Variants in LGMN observed in about 807,000 individuals in gnomAD.
LGMN encodes the protein asparaginyl endopeptidase.
A neutral mutation model predicts 56.8 loss-of-function variants in LGMN; 36 were observed. The ratio of observed to expected loss-of-function variants is 0.63; its 90% confidence interval spans 0.49 to 0.84. The LOEUF is 0.84. LGMN is among the 40% of genes least tolerant of loss of function. LGMN has a pLI of 0.00. For synonymous variants in LGMN, 199 were observed against 210.1 expected (o/e 0.95, Z 0.46); for missense variants, 446 against 556.1 (o/e 0.80, Z 1.99).
intron 2 of LGMN, among the ~76,000 whole-genome samples, chr14:92,724,650 AG>A (rs567432545): frequency 1.3e-5 from 2 of 152,348 alleles, no homozygotes; most frequent in African/African-American, 4.8e-5. Context: ...TAAGAGGCGC[AG>A]AGCCCTCCGG....
At chr14:92,741,030 T>A (rs1891529491) in intron 1 of LGMN, 1 of 151,752 alleles carries the variant, frequency 6.6e-6, no homozygotes, top group Non-Finnish European at 1.5e-5. Context: ...CTACTAAAAA[T>A]ACAAAAATTA....
intron 1 of LGMN, chr14:92,741,361 A>G (rs987721383): frequency 1.3e-5 from 2 of 152,230 alleles, no homozygotes; most frequent in African/African-American, 4.8e-5. Context: ...TCAAGTTCAC[A>G]TCCAGGTCTG....
intron 1 of LGMN, 134 bp from the exon 2 acceptor site, chr14:92,732,949 G>A: frequency 1.6e-6 from 1 of 612,322 alleles, no homozygotes; most frequent in South Asian, 2.3e-5. Context: ...AGGAGTTTGA[G>A]ATCAGCTTGG....
chr14:92,735,281 A>G (rs1428149516), intron 1 of LGMN, among the ~76,000 whole-genome samples: 26 of 152,134 alleles, frequency 1.7e-4, no homozygotes. Context: ...ATCTCAGCTC[A>G]CTGCAACCTC....
At chr14:92,743,182 T>C (rs1318019087) in intron 1 of LGMN, among the ~76,000 whole-genome samples, 1 of 152,096 alleles carries the variant, frequency 6.6e-6, no homozygotes, top group Non-Finnish European at 1.5e-5. Flanking sequence ...TTAAATCCTT[T>C]GATTTTCTGG....
intron 2 of LGMN, among the ~76,000 whole-genome samples, chr14:92,719,348 C>CCACCAA (rs1566924794): frequency 2.1e-5 from 3 of 143,454 alleles, no homozygotes; most frequent in African/African-American, 8.0e-5. Context: ...ATCACCGCCA[C>CCACCAA]CACCACCAAC....
At chr14:92,713,039 C>A (rs774989348) in intron 7 of LGMN, among the ~76,000 whole-genome samples, 168 bp from the exon 8 acceptor site, 23 of 152,210 alleles carry the variant, frequency 1.5e-4, no homozygotes, top group Non-Finnish European at 2.8e-4. Context: ...ATGGAAGCTG[C>A]TGCCACACAA....
At chr14:92,747,907 A>C (rs1891889468) in intron 1 of LGMN, among the ~76,000 whole-genome samples, 1 of 152,190 alleles carries the variant, frequency 6.6e-6, no homozygotes, top group Non-Finnish European at 1.5e-5. Context: ...TCAAATAGGG[A>C]CGGGAAAGGA....
chr14:92,712,714 C>G (rs766477150), intron 8 of LGMN, 91 bp downstream of exon 8: 2 of 1,257,138 alleles, frequency 1.6e-6, no homozygotes, highest in South Asian at 2.5e-5. Context: ...CTCAGCAGCC[C>G]CTGCTTACGG....
intron 2 of LGMN, among the ~76,000 whole-genome samples, chr14:92,728,787 C>A (rs1227388086): frequency 6.6e-6 from 1 of 152,130 alleles, no homozygotes; most frequent in Non-Finnish European, 1.5e-5. Flanking sequence ...TCAGCTCCAC[C>A]CCTTACTGGC....
chr14:92,704,446 G>A (rs986211647), intron 13 of LGMN, 85 bp from the exon 14 acceptor site: 1 of 1,229,288 alleles, frequency 8.1e-7, no homozygotes, highest in African/African-American at 1.5e-5. Flanking sequence ...GCGGCAGGCA[G>A]GCAGTTATGA....
At chr14:92,713,221 C>A (rs905912939) in intron 7 of LGMN, among the ~76,000 whole-genome samples, 1 of 152,066 alleles carries the variant, frequency 6.6e-6, no homozygotes, top group Admixed American at 6.6e-5. Flanking sequence ...ATCACCCAAC[C>A]CATGCAGGTT....
rs1186872036 is a variant in LGMN, at chr14:92,732,813, C to A, written c.-27G>T. On this transcript the variant is annotated splice_region_variant and 5_prime_UTR_variant, in exon 2 of 14. Coordinates refer to ENST00000334869, the MANE Select transcript of LGMN (RefSeq NM_005606.7). ...CTGCACCTTGGAGTTCAATTGCAGA[C>A]ACCTGAGAAGGGAAACACAGAGTCA... 6.2e-7 allele frequency: 1 copy of A among 1,609,238 alleles called. No homozygotes were observed. The highest frequency in any genetic ancestry group is 8.5e-7 in the Non-Finnish European group (1 of 1,178,094).
chr14:92,746,709 T>C (rs1349412475), intron 1 of LGMN, among the ~76,000 whole-genome samples: 1 of 152,118 alleles, frequency 6.6e-6, no homozygotes, highest in Non-Finnish European at 1.5e-5. Context: ...CAGGAAGCCC[T>C]GGAAGATGTA....
chr14:92,709,674 C>T lies in LGMN; in HGVS notation c.1018G>A (p.Asp340Asn), dbSNP rs137891145. The change falls in exon 11 of 14, where the codon GAT becomes AAT. Residue 340 changes from aspartate (D) to asparagine (N), a missense_variant and splice_region_variant. Coordinates refer to ENST00000334869, the MANE Select transcript of LGMN (RefSeq NM_005606.7). ...QLTEEIQRHL[D>N]ARHLIEKSVR... is the part of the protein sequence containing the mutation. ...CAGCTCCTTTCACCACTACTCACAT[C>T]CAGATGCCGCTGGATCTCCTCCGTG... is the stretch of plus-strand genomic sequence containing the variant. 15 of 1,612,790 alleles carry T rather than the reference C, an allele frequency of 9.3e-6. No individual in the cohort carries two copies. The African/African-American group carries it at 1.9e-4, about 20-fold the overall frequency.
chr14:92,707,369 G>A (rs905741543), intron 11 of LGMN, among the ~76,000 whole-genome samples: 2 of 152,122 alleles, frequency 1.3e-5, no homozygotes, highest in African/African-American at 4.8e-5. Flanking sequence ...TGTTAGACCA[G>A]CAGTTCTCCA....
intron 2 of LGMN, among the ~76,000 whole-genome samples, chr14:92,727,741 C>T (rs1890811575): frequency 6.6e-6 from 1 of 152,128 alleles, no homozygotes; most frequent in Non-Finnish European, 1.5e-5. Flanking sequence ...TACTTCTGGA[C>T]CCAAACCCGG....
At chr14:92,741,217 G>A (rs956107023) in intron 1 of LGMN, 2 of 151,826 alleles carry the variant, frequency 1.3e-5, no homozygotes, top group Non-Finnish European at 2.9e-5. Flanking sequence ...GACTTCACTT[G>A]GATCCAAGAA....
chr14:92,711,625 A>T, intron 10 of LGMN, 34 bp downstream of exon 10: 1 of 1,570,466 alleles, frequency 6.4e-7, no homozygotes, highest in Non-Finnish European at 8.8e-7. Flanking sequence ...GGACACAAGG[A>T]ACAGAGGGCC....
Sources: gnomAD v4.1 joint callset for allele counts (sites outside exome capture counted in the v4.1 genomes callset) on GRCh38, gnomAD v4.1.1 for gene constraint, MANE v1.5 for transcripts, NCBI Gene and HGNC (gene_info 2026-07-23, HGNC 2026-07-21) for gene names.